COLEC10: variants seen among roughly 807,000 people sequenced by gnomAD.
The protein encoded by COLEC10 is collectin-10.
Under a neutral mutation model 28.4 loss-of-function variants are expected in COLEC10, and 22 were observed. The ratio of observed to expected loss-of-function variants is 0.78; its 90% confidence interval spans 0.55 to 1.11. The LOEUF (loss-of-function observed/expected upper bound fraction) is 1.11. Among genes scored for constraint, COLEC10 ranks in the 50% least tolerant of loss-of-function variants. The pLI is 0.00. For synonymous variants in COLEC10, 125 were observed against 116.1 expected, an observed-to-expected ratio of 1.08 and a Z score of -0.49; for missense variants, 361 against 344.1, an observed-to-expected ratio of 1.05 and a Z score of -0.39.
intron 2 of COLEC10, among the ~76,000 whole-genome samples, chr8:119,037,257 G>A (rs1814406628): frequency 6.6e-6 from 1 of 152,120 alleles, no homozygotes; most frequent in Admixed American, 6.5e-5. Flanking sequence ...TATTTTGTAA[G>A]CTGTCTGATA....
At chr8:118,986,086 G>C in the COLEC10 span, among the ~76,000 whole-genome samples, 36 of 151,992 alleles carry the variant, frequency 2.4e-4, no homozygotes, top group Non-Finnish European at 3.8e-4. Context: ...CCAAAAGTTG[G>C]GGAAATCTAA....
chr8:118,990,371 A>G, the COLEC10 span, among the ~76,000 whole-genome samples: 1 of 152,202 alleles, frequency 6.6e-6, no homozygotes, highest in African/African-American at 2.4e-5. Flanking sequence ...GTTTGAATAT[A>G]TGTAAACATT....
At chr8:118,987,292 A>G in the COLEC10 span, among the ~76,000 whole-genome samples, 65,570 of 152,074 alleles carry the variant, frequency 0.43, 14,522 homozygotes, top group Middle Eastern at 0.6. Flanking sequence ...GGCTGGGTGC[A>G]GTGGCTCACA....
chr8:119,070,480 T>TCTCTCTCCCC (rs1815089658), intron 1 of COLEC10, among the ~76,000 whole-genome samples: 1 of 50,694 alleles, frequency 2.0e-5, no homozygotes, highest in African/African-American at 7.5e-5. Flanking sequence ...TCTCTCTCCT[T>TCTCTCTCCCC]CCCCCTCCTT....
chr8:119,027,127 T>C (rs1445123889), intron 2 of COLEC10, among the ~76,000 whole-genome samples: 2 of 152,114 alleles, frequency 1.3e-5, no homozygotes, highest in Non-Finnish European at 2.9e-5. Flanking sequence ...ATATATCACA[T>C]GGTTTGTTGT....
rs1339321828 is a variant in COLEC10, at chr8:119,010,720, T to C, written n.235+1167T>C. Among the ~76,000 whole-genome samples the C allele has an allele frequency of 2.6e-5, 4 of 151,290 alleles. No homozygotes were observed. The South Asian group carries it at 8.3e-4, about 31-fold the overall frequency. On this transcript the variant is annotated intron_variant and non_coding_transcript_variant, in intron 2 of 6. Coordinates refer to the COLEC10 transcript ENST00000521788. ...CAAATGGGTTTGTAAAGGTAACTTA[T>C]TGTTGGTTTAATTTCCATTTATTTG...
intron 1 of COLEC10, among the ~76,000 whole-genome samples, chr8:119,089,451 T>A (rs1815544725): frequency 1.3e-5 from 2 of 152,162 alleles, no homozygotes; most frequent in South Asian, 4.1e-4. Flanking sequence ...ACAAGAATAT[T>A]TCTTCAAACA....
intron 2 of COLEC10, among the ~76,000 whole-genome samples, chr8:119,030,480 A>G (rs1326753463): frequency 3.0e-4 from 46 of 152,104 alleles, no homozygotes; most frequent in Admixed American, 3.0e-3. Context: ...CCTGGCCAAT[A>G]TGGTGAAACC....
At chr8:119,032,256 G>C (rs75035313) in intron 2 of COLEC10, among the ~76,000 whole-genome samples, 1,812 of 152,308 alleles carry the variant, frequency 0.012, 33 homozygotes, top group African/African-American at 0.041. Flanking sequence ...TAATGCAGAA[G>C]TAATTGGAGA....
chr8:119,005,149 A>G (rs981030549), intron 1 of COLEC10, among the ~76,000 whole-genome samples: 14 of 152,076 alleles, frequency 9.2e-5, no homozygotes, highest in African/African-American at 3.1e-4. Context: ...TCCACATTGC[A>G]CAATATCACC....
the COLEC10 span, among the ~76,000 whole-genome samples, chr8:118,977,252 A>G: frequency 3.2e-4 from 46 of 145,618 alleles, 2 homozygotes; most frequent in Non-Finnish European, 5.5e-4. Context: ...ATTACTGGGT[A>G]TATACCCAAA....
the COLEC10 span, among the ~76,000 whole-genome samples, chr8:118,956,323 T>G: frequency 6.6e-6 from 1 of 152,328 alleles, no homozygotes; most frequent in Non-Finnish European, 1.5e-5. Flanking sequence ...ATTTAAGCTG[T>G]TGAAGGGTGT....
the COLEC10 span, among the ~76,000 whole-genome samples, chr8:118,957,335 T>C: frequency 1.3e-5 from 2 of 152,176 alleles, no homozygotes; most frequent in Admixed American, 1.3e-4. Context: ...GTGATGTCTA[T>C]GACACAAGAT....
At chr8:118,986,716 A>G in the COLEC10 span, among the ~76,000 whole-genome samples, 275 of 152,300 alleles carry the variant, frequency 1.8e-3, 2 homozygotes, top group African/African-American at 6.2e-3. Flanking sequence ...ATTAAAGTGA[A>G]TGAAGTACTG....
chr8:119,031,683 T>C (rs1814291544), intron 2 of COLEC10, among the ~76,000 whole-genome samples: 1 of 152,210 alleles, frequency 6.6e-6, no homozygotes, highest in African/African-American at 2.4e-5. Flanking sequence ...CCCTATATCT[T>C]AGTGCAAACC....
the COLEC10 span, among the ~76,000 whole-genome samples, chr8:118,987,118 A>G: frequency 3.9e-5 from 6 of 152,172 alleles, no homozygotes; most frequent in African/African-American, 1.4e-4. Context: ...ACACTTGGGA[A>G]TGCTTGCGGA....
chr8:119,032,861 C>T (rs1814316460), intron 2 of COLEC10, among the ~76,000 whole-genome samples: 3 of 152,218 alleles, frequency 2.0e-5, no homozygotes, highest in South Asian at 2.1e-4. Flanking sequence ...GAGATCGCGC[C>T]TCTGCACCGG....
chr8:118,993,932 G>C (rs1466208399), upstream of COLEC10, among the ~76,000 whole-genome samples: 1 of 152,120 alleles, frequency 6.6e-6, no homozygotes, highest in African/African-American at 2.4e-5. Flanking sequence ...CCTGAATATT[G>C]ATTCAGTAGA....
the COLEC10 span, among the ~76,000 whole-genome samples, chr8:118,955,167 C>T: frequency 6.6e-6 from 1 of 152,128 alleles, no homozygotes; most frequent in African/African-American, 2.4e-5. Context: ...GCAGATAGCC[C>T]ATTGACTTAT....
Sources: allele counts gnomAD v4.1 joint callset (sites outside exome capture counted in the v4.1 genomes callset), GRCh38; gene constraint gnomAD v4.1.1; transcripts MANE v1.5; gene names NCBI Gene and HGNC (gene_info 2026-07-23, HGNC 2026-07-21).